Variants in WDR27 observed in about 807,000 individuals in gnomAD.
The protein encoded by WDR27 is WD repeat-containing protein 27.
WDR27 carries 100 observed loss-of-function variants against 114.4 expected under a neutral mutation model. The observed-to-expected ratio is 0.87, with a 90% CI of 0.74 to 1.03. The LOEUF is 1.03. Ranked by LOEUF, WDR27 falls within the 50% of genes least tolerant of loss-of-function variation. WDR27 has a pLI of 0.00. For synonymous variants in WDR27, 449 were observed against 423.1 expected, an observed-to-expected ratio of 1.06 and a Z score of -0.75; for missense variants, 1,129 against 1,092.9, an observed-to-expected ratio of 1.03 and a Z score of -0.47.
intron 25 of WDR27, among the ~76,000 whole-genome samples, chr6:169,556,502 T>C (rs1014973323): frequency 2.6e-5 from 4 of 152,144 alleles, no homozygotes; most frequent in African/African-American, 9.7e-5. Flanking sequence ...CCAAATGGAA[T>C]AAAAAACCAC....
At chr6:169,656,912 G>A (rs772046793) in intron 13 of WDR27, among the ~76,000 whole-genome samples, 9 of 152,330 alleles carry the variant, frequency 5.9e-5, no homozygotes, top group Non-Finnish European at 8.8e-5. Context: ...ACTCCCAGCC[G>A]AGGAGTCAGC....
the WDR27 span, among the ~76,000 whole-genome samples, chr6:169,449,583 C>T: frequency 5.3e-5 from 8 of 152,224 alleles, no homozygotes; most frequent in Admixed American, 5.2e-4. Flanking sequence ...GGACTGCAGT[C>T]CTTTCCCCTG....
intron 25 of WDR27, among the ~76,000 whole-genome samples, chr6:169,544,428 T>TC (rs1331986947): frequency 3.3e-4 from 46 of 139,362 alleles, no homozygotes; most frequent in Admixed American, 1.9e-3. Context: ...TTCTTTTCCT[T>TC]TTTTTTTTTT....
chr6:169,588,265 C>T (rs896677606), intron 23 of WDR27, among the ~76,000 whole-genome samples: 1 of 152,164 alleles, frequency 6.6e-6, no homozygotes, highest in Non-Finnish European at 1.5e-5. Context: ...TTTCATACAG[C>T]ATTTCTGCAT....
chr6:169,663,640 C>G (rs1239538154), intron 8 of WDR27: 1 of 154,592 alleles, frequency 6.5e-6, no homozygotes, highest in Non-Finnish European at 1.4e-5. Context: ...TGGGTGGGTG[C>G]ATGTGGCATC....
At chr6:169,512,663 G>A (rs1793056241) in intron 25 of WDR27, among the ~76,000 whole-genome samples, 1 of 152,168 alleles carries the variant, frequency 6.6e-6, no homozygotes, top group African/African-American at 2.4e-5. Context: ...TTTAAATGCT[G>A]CAAATGTGAA....
At chr6:169,463,429 G>A (rs1785159791) in intron 25 of WDR27, among the ~76,000 whole-genome samples, 1 of 152,122 alleles carries the variant, frequency 6.6e-6, no homozygotes, top group Admixed American at 6.5e-5. Context: ...ACCAACCACA[G>A]GTCATTATAC....
chr6:169,635,215 A>T (rs908821165), intron 19 of WDR27, among the ~76,000 whole-genome samples: 2 of 150,670 alleles, frequency 1.3e-5, no homozygotes, highest in Admixed American at 1.3e-4. Flanking sequence ...AAAATACAAA[A>T]ATTAGCCAGG....
intron 15 of WDR27, 97 bp downstream of exon 15, chr6:169,649,101 T>A (rs760281294): frequency 3.1e-6 from 3 of 963,790 alleles, no homozygotes; most frequent in Non-Finnish European, 4.9e-6. Context: ...CATGTACACA[T>A]ATAAGGTTTT....
rs1410533813 is a variant in WDR27 at position 169,659,554 on chromosome 6, G to A, written c.1130-36C>T. On this transcript the variant is annotated intron_variant, in intron 10 of 25. Transcript: ENST00000448612. The surrounding 1 kb of genome is among the most constrained non-coding windows in gnomAD (Gnocchi z 4.3). ...GCGAAGACCAGGAAGAACATGATGGGGAGGGAGGTAGCACATACACACGGA... is the reference window on the plus strand; with the variant it reads ...GCGAAGACCAGGAAGAACATGATGGAGAGGGAGGTAGCACATACACACGGA... 1.3e-6 allele frequency: 2 copies of A among 1,584,032 alleles called. No individual in the cohort carries two copies. Among genetic ancestry groups the A allele is most frequent in the Non-Finnish European group, 1.7e-6 (2 of 1,164,218 alleles).
At position 169,651,965 on chromosome 6, in the gene WDR27, A is replaced by T; in HGVS notation, c.1446T>A (p.Ser482Arg). ...ACGCATAACCAGATGACCTAACTTT[A>T]CTATGGAAAACCAGGCGTTGGTCCT... The part of the protein sequence containing the change: ...VMKDQRLVFH[S>R]KVRSSGYASA... The change falls in exon 14 of 26, where the codon AGT becomes AGA. Residue 482 changes from serine (S) to arginine (R), a missense_variant. Transcript: ENST00000448612. 6.2e-7 allele frequency: 1 copy of T among 1,613,854 alleles called. No individual in the cohort carries two copies. The highest frequency in any genetic ancestry group is 8.5e-7 in the Non-Finnish European group (1 of 1,179,856).
chr6:169,535,818 C>T (rs916088629), intron 25 of WDR27, among the ~76,000 whole-genome samples: 10 of 152,194 alleles, frequency 6.6e-5, no homozygotes, highest in African/African-American at 1.7e-4. Context: ...CAGATCTGTA[C>T]ACACTGTAAA....
intron 23 of WDR27, among the ~76,000 whole-genome samples, chr6:169,585,047 G>A (rs894734828): frequency 1.3e-5 from 2 of 152,244 alleles, no homozygotes; most frequent in South Asian, 4.2e-4. Context: ...CCATCAAGAG[G>A]ACACAATGAG....
intron 13 of WDR27, among the ~76,000 whole-genome samples, chr6:169,654,591 C>T (rs964876480): frequency 1.3e-5 from 2 of 152,314 alleles, no homozygotes; most frequent in East Asian, 3.9e-4. Flanking sequence ...CACTCCCAGC[C>T]GGTTTCCAGG....
intron 21 of WDR27, among the ~76,000 whole-genome samples, chr6:169,613,890 TGA>T (rs1283904837): frequency 2.6e-5 from 4 of 152,308 alleles, no homozygotes; most frequent in Admixed American, 6.5e-5. Flanking sequence ...GTAATGCCAC[TGA>T]GAGTTACAGA....
intron 2 of WDR27, among the ~76,000 whole-genome samples, chr6:169,674,944 G>A (rs964139181): frequency 1.3e-5 from 2 of 152,146 alleles, no homozygotes; most frequent in African/African-American, 4.8e-5. Context: ...TACTCAGTGG[G>A]GGAGCTTTTG....
At chr6:169,443,809 T>TG in the WDR27 span, among the ~76,000 whole-genome samples, 1 of 152,182 alleles carries the variant, frequency 6.6e-6, no homozygotes, top group Admixed American at 6.5e-5. Context: ...GAAGACTTCA[T>TG]GTATACTAAG....
chr6:169,545,114 G>A (rs942079190), intron 25 of WDR27, among the ~76,000 whole-genome samples: 4 of 152,056 alleles, frequency 2.6e-5, no homozygotes, highest in African/African-American at 9.7e-5. Flanking sequence ...TGACAAACAA[G>A]AATAAAATGA....
intron 3 of WDR27, chr6:169,671,346 C>T (rs188233530): frequency 1.3e-5 from 2 of 152,236 alleles, no homozygotes; most frequent in Non-Finnish European, 2.9e-5. Flanking sequence ...CAAGTCTAGA[C>T]AGAGACACGT....
Sources: gnomAD v4.1 joint callset for allele counts (sites outside exome capture counted in the v4.1 genomes callset) on GRCh38, gnomAD v4.1.1 for gene constraint, Gnocchi (gnomAD v3.1) non-coding constraint, MANE v1.5 for transcripts, NCBI Gene and HGNC (gene_info 2026-07-23, HGNC 2026-07-21) for gene names.